The following CNBD1 variants were observed in gnomAD, a reference collection of about 807,000 sequenced individuals.
CNBD1 encodes the protein cyclic nucleotide-binding domain-containing protein 1.
A neutral mutation model predicts 54.4 loss-of-function variants in CNBD1; 71 were observed. The ratio of observed to expected loss-of-function variants is 1.30; its 90% confidence interval spans 1.08 to 1.59. The LOEUF (loss-of-function observed/expected upper bound fraction) is 1.59. Among genes scored for constraint, CNBD1 ranks in the 40% most tolerant of loss-of-function variants. The pLI is 0.00. For synonymous variants in CNBD1, 182 were observed against 170.7 expected (o/e 1.07, Z -0.51); for missense variants, 659 against 518.0 (o/e 1.27, Z -2.64).
chr8:86,980,779 G>A (rs1808469586), intron 4 of CNBD1, among the ~76,000 whole-genome samples: 1 of 152,160 alleles, frequency 6.6e-6, no homozygotes, highest in Admixed American at 6.5e-5. Context: ...CATGTAATTA[G>A]GTAGACATTA....
At chr8:86,955,615 G>A (rs1303883525) in intron 4 of CNBD1, among the ~76,000 whole-genome samples, 1 of 152,154 alleles carries the variant, frequency 6.6e-6, no homozygotes, top group Non-Finnish European at 1.5e-5. Flanking sequence ...ATGTCTGTTG[G>A]CTGCATAAAT....
chr8:87,087,222 T>TAC (rs1005173575), intron 4 of CNBD1, among the ~76,000 whole-genome samples: 27 of 146,070 alleles, frequency 1.8e-4, no homozygotes, highest in East Asian at 9.9e-4. Flanking sequence ...GTATCTATTC[T>TAC]ACACACACAC....
rs74664700 is a variant in CNBD1, at chr8:86,991,249, A to G, written c.431+51495A>G. ...CAGTGGTGAAAGTGGGCATCCTTTC[A>G]TATTCCAGATCTTAAAGGAAAGGAT... On this transcript the variant is annotated intron_variant, in intron 4 of 10. Coordinates refer to ENST00000518476, the MANE Select transcript of CNBD1 (RefSeq NM_173538.3). Among the ~76,000 whole-genome samples, 1,489 of 152,212 alleles carry G rather than the reference A, an allele frequency of 9.8e-3. 17 individuals are homozygous for G. The highest frequency in any genetic ancestry group is 0.033 in the African/African-American group (1,374 of 41,562).
chr8:86,903,911 T>C (rs1808977024), intron 2 of CNBD1, among the ~76,000 whole-genome samples: 2 of 151,950 alleles, frequency 1.3e-5, no homozygotes, highest in South Asian at 4.1e-4. Context: ...AGTGGTCAGA[T>C]TTTAAAAAGA....
intron 4 of CNBD1, among the ~76,000 whole-genome samples, chr8:87,107,190 T>C (rs1363914628): frequency 6.6e-6 from 1 of 152,230 alleles, no homozygotes; most frequent in East Asian, 1.9e-4. Flanking sequence ...AGAACTAAAC[T>C]CTTGGTTTTA....
chr8:87,387,176 G>C (rs1344846904), downstream of CNBD1, among the ~76,000 whole-genome samples: 2 of 152,106 alleles, frequency 1.3e-5, no homozygotes, highest in Non-Finnish European at 2.9e-5. Flanking sequence ...GACTATCGAG[G>C]TTAGGAAGAA....
chr8:87,206,132 A>AAG lies in CNBD1; in HGVS notation c.571_572insAG (p.Ser191LysfsTer12). On this transcript the variant is annotated frameshift_variant, in exon 5 of 11. Transcript: ENST00000518476. LOFTEE classifies it high-confidence loss of function. ...CTTTTCCGAAACCTGGTTGAAAGGCAGCACAGGTAATAGACTAATGTGGGA... is the reference window on the plus strand; with the variant it reads ...CTTTTCCGAAACCTGGTTGAAAGGCAAGGCACAGGTAATAGACTAATGTGGGA... 6.3e-7 allele frequency: 1 copy of AAG among 1,585,936 alleles called. No individual in the cohort carries two copies. Among genetic ancestry groups the AAG allele is most frequent in the Non-Finnish European group, 8.6e-7 (1 of 1,168,562 alleles).
intron 4 of CNBD1, among the ~76,000 whole-genome samples, chr8:87,052,857 C>T (rs1810338759): frequency 6.6e-6 from 1 of 152,154 alleles, no homozygotes. Context: ...TCCCAGGTCT[C>T]CCTTTATTTG....
chr8:87,054,592 T>C (rs544727839), intron 4 of CNBD1, among the ~76,000 whole-genome samples: 7 of 152,306 alleles, frequency 4.6e-5, no homozygotes, highest in African/African-American at 1.7e-4. Flanking sequence ...AATATTGCAT[T>C]CAAAGAAGGA....
intron 3 of CNBD1, among the ~76,000 whole-genome samples, chr8:86,907,970 A>T (rs565678158): frequency 6.6e-6 from 1 of 152,354 alleles, no homozygotes; most frequent in East Asian, 1.9e-4. Context: ...TATCATTGTC[A>T]TATATTTAAC....
At chr8:87,206,487 G>T (rs1235800067) in intron 5 of CNBD1, among the ~76,000 whole-genome samples, 1 of 152,096 alleles carries the variant, frequency 6.6e-6, no homozygotes, top group Non-Finnish European at 1.5e-5. Context: ...CTCAGGTGAT[G>T]CCACCAGTGC....
chr8:87,290,833 T>A (rs1206988946), intron 8 of CNBD1, among the ~76,000 whole-genome samples: 2 of 152,154 alleles, frequency 1.3e-5, no homozygotes, highest in African/African-American at 4.8e-5. Context: ...AAGACAGCTG[T>A]TAATTTTATT....
intron 10 of CNBD1, among the ~76,000 whole-genome samples, chr8:87,372,763 C>G (rs1324656875): frequency 6.6e-6 from 1 of 151,732 alleles, no homozygotes; most frequent in Non-Finnish European, 1.5e-5. Context: ...GTTCAATCAC[C>G]TCATATATGG....
intron 4 of CNBD1, among the ~76,000 whole-genome samples, chr8:86,972,588 A>G (rs748487216): frequency 9.2e-5 from 14 of 152,198 alleles, no homozygotes; most frequent in Non-Finnish European, 1.8e-4. Context: ...AAATGTACAA[A>G]ATTATGCACA....
chr8:86,919,816 T>C (rs1809242945), intron 3 of CNBD1, among the ~76,000 whole-genome samples: 1 of 152,164 alleles, frequency 6.6e-6, no homozygotes, highest in African/African-American at 2.4e-5. Context: ...ATTAGTGTTT[T>C]TCAAACTTTA....
intron 4 of CNBD1, among the ~76,000 whole-genome samples, chr8:86,948,925 T>C (rs1333630608): frequency 6.6e-6 from 1 of 152,234 alleles, no homozygotes; most frequent in Non-Finnish European, 1.5e-5. Context: ...TTTGATTTGA[T>C]TTTTGTATAT....
At chr8:87,328,194 C>T (rs1046058058) in intron 8 of CNBD1, among the ~76,000 whole-genome samples, 16 of 151,914 alleles carry the variant, frequency 1.1e-4, no homozygotes, top group Middle Eastern at 3.4e-3. Flanking sequence ...GTCCATTGTT[C>T]GATATCCAGT....
intron 4 of CNBD1, among the ~76,000 whole-genome samples, chr8:87,022,909 G>A (rs1017128055): frequency 9.2e-5 from 14 of 152,218 alleles, no homozygotes; most frequent in Admixed American, 3.9e-4. Context: ...TGAAAGAATG[G>A]AGGTAAGAAA....
At chr8:87,321,054 T>G (rs1217387794) in intron 8 of CNBD1, among the ~76,000 whole-genome samples, 3 of 151,822 alleles carry the variant, frequency 2.0e-5, no homozygotes, top group African/African-American at 4.8e-5. Flanking sequence ...TTCTTATTTA[T>G]AGATGAATTA....
Sources: gnomAD v4.1 joint callset for allele counts (sites outside exome capture counted in the v4.1 genomes callset) on GRCh38, gnomAD v4.1.1 for gene constraint, MANE v1.5 for transcripts, NCBI Gene and HGNC (gene_info 2026-07-23, HGNC 2026-07-21) for gene names.